BTRC: variants seen among roughly 807,000 people sequenced by gnomAD.
BTRC encodes F-box/WD repeat-containing protein 1A.
In BTRC, 42 loss-of-function variants were observed where a neutral mutation model predicts 85.5. The ratio of observed to expected loss-of-function variants is 0.49; its 90% CI spans 0.38 to 0.64. BTRC has a LOEUF of 0.64. BTRC is among the 30% of genes least tolerant of loss of function. The probability of loss-of-function intolerance (pLI) is 0.00; values close to 1 mark genes in which losing one functional copy is unlikely to be tolerated. For synonymous variants in BTRC, 255 were observed against 263.3 expected (o/e 0.97, Z 0.30); for missense variants, 594 against 743.5 (o/e 0.80, Z 2.34).
At chr10:101,544,063 C>T (rs1220157698) in intron 13 of BTRC, among the ~76,000 whole-genome samples, 1 of 152,128 alleles carries the variant, frequency 6.6e-6, no homozygotes, top group Non-Finnish European at 1.5e-5. Flanking sequence ...GCGCCCGCCA[C>T]CACACCCAGC....
chr10:101,417,355 A>G (rs1943974201), intron 1 of BTRC, among the ~76,000 whole-genome samples: 1 of 152,250 alleles, frequency 6.6e-6, no homozygotes, highest in South Asian at 2.1e-4. Context: ...TGAGGATTAC[A>G]CGCCAGTATC....
intron 1 of BTRC, among the ~76,000 whole-genome samples, chr10:101,390,977 GTTCT>G (rs576705076): frequency 5.5e-4 from 84 of 152,150 alleles, no homozygotes; most frequent in African/African-American, 1.9e-3. Context: ...AATACAAATG[GTTCT>G]TTATCAAATT....
At chr10:101,406,107 A>G (rs1459056374) in intron 1 of BTRC, among the ~76,000 whole-genome samples, 1 of 151,258 alleles carries the variant, frequency 6.6e-6, no homozygotes, top group African/African-American at 2.4e-5. Context: ...AGTGGTACAT[A>G]TACTTTTAGG....
rs183909241 is a variant in BTRC, at chr10:101,484,934, C to A, written c.324+5477C>A. On this transcript the variant is annotated intron_variant, in intron 4 of 14. Transcript: ENST00000370187. Reference sequence around the variant, plus strand: ...TTTGCATTAATAAGAGAAGCCAGGACCCCTCTTATAGACAAGAGTTTGTGT... The same window carrying A: ...TTTGCATTAATAAGAGAAGCCAGGAACCCTCTTATAGACAAGAGTTTGTGT... Among the ~76,000 whole-genome samples the A allele has an allele frequency of 2.5e-3, 382 of 152,274 alleles. 3 individuals carry two copies. The highest frequency in any genetic ancestry group is 8.5e-3 in the African/African-American group (355 of 41,558).
chr10:101,541,986 A>G lies in BTRC; in HGVS notation c.1656+3615A>G, dbSNP rs181143842. 3.9e-5 allele frequency among the ~76,000 whole-genome samples: 6 copies of G among 152,294 alleles called. 1 individual carries two copies. The highest frequency in any genetic ancestry group is 4.1e-4 in the South Asian group (2 of 4,828). On this transcript the variant is annotated intron_variant, in intron 13 of 14. Transcript: ENST00000370187. Reference sequence around the variant, plus strand: ...CCTCATCTATTTTCTAAGAGTTTGCATATGTGATATTATGCTTCTTTAAAT... The same window carrying G: ...CCTCATCTATTTTCTAAGAGTTTGCGTATGTGATATTATGCTTCTTTAAAT...
At chr10:101,518,530 C>A (rs2134356738) in intron 4 of BTRC, among the ~76,000 whole-genome samples, 1 of 152,282 alleles carries the variant, frequency 6.6e-6, no homozygotes, top group African/African-American at 2.4e-5. Context: ...ATAATCTCCG[C>A]CTTTTGATGG....
At chr10:101,448,688 C>T (rs1013503473) in intron 2 of BTRC, among the ~76,000 whole-genome samples, 2 of 151,918 alleles carry the variant, frequency 1.3e-5, no homozygotes, top group Admixed American at 1.3e-4. Flanking sequence ...TGGAGATGAA[C>T]AGAAAATGGA....
chr10:101,364,881 G>A (rs1202953551), intron 1 of BTRC: 1 of 149,108 alleles, frequency 6.7e-6, no homozygotes, highest in Non-Finnish European at 1.5e-5. Flanking sequence ...TGCAATACCA[G>A]GTCGATGCAT....
intron 3 of BTRC, among the ~76,000 whole-genome samples, chr10:101,473,564 G>A (rs1270948802): frequency 2.9e-5 from 4 of 138,958 alleles, no homozygotes; most frequent in South Asian, 4.7e-4. Context: ...TCCGTCTCCC[G>A]GGTTCAAGCG....
At chr10:101,496,989 C>T (rs1379318711) in intron 4 of BTRC, among the ~76,000 whole-genome samples, 1 of 152,120 alleles carries the variant, frequency 6.6e-6, no homozygotes. Context: ...TTTTTACATT[C>T]TACTTAAGAA....
chr10:101,367,583 C>T (rs966976543), intron 1 of BTRC, among the ~76,000 whole-genome samples: 16 of 152,070 alleles, frequency 1.1e-4, no homozygotes, highest in Admixed American at 5.9e-4. Flanking sequence ...CCACAAGTTG[C>T]CTTCATGCTC....
At chr10:101,464,911 C>G (rs991566003) in intron 3 of BTRC, among the ~76,000 whole-genome samples, 2 of 152,082 alleles carry the variant, frequency 1.3e-5, no homozygotes, top group African/African-American at 4.8e-5. Flanking sequence ...CCCTCTCTAT[C>G]TTAGGGAAGA....
intron 3 of BTRC, among the ~76,000 whole-genome samples, chr10:101,478,751 C>T (rs1490338606): frequency 2.0e-5 from 3 of 148,904 alleles, no homozygotes; most frequent in Non-Finnish European, 3.0e-5. Context: ...ACTGTACTTC[C>T]AGCTGGGGTG....
intron 13 of BTRC, among the ~76,000 whole-genome samples, chr10:101,547,162 A>T (rs1440322359): frequency 6.6e-6 from 1 of 152,174 alleles, no homozygotes; most frequent in Non-Finnish European, 1.5e-5. Context: ...CAGGTTCATC[A>T]GGATGTAACC....
intron 1 of BTRC, among the ~76,000 whole-genome samples, chr10:101,380,922 G>A (rs1162700837): frequency 2.0e-5 from 3 of 152,164 alleles, no homozygotes; most frequent in Non-Finnish European, 2.9e-5. Flanking sequence ...CCTGTTGCTT[G>A]TGCAGTTTGT....
In BTRC at chr10:101,431,070, C is replaced by CTTTTTTT. The variant is rs748703752; in HGVS notation, c.156+636_156+642dup. Among the ~76,000 whole-genome samples, 51 of 71,292 alleles carry CTTTTTTT rather than the reference C, an allele frequency of 7.2e-4. 1 individual carries two copies. Among genetic ancestry groups the CTTTTTTT allele is most frequent in the African/African-American group, 1.4e-3 (24 of 17,474 alleles). 46.8% of individuals were successfully genotyped at this position (71,292 alleles called of 152,430 possible). ...CAGATTCCAGTTCCCCTCAGCCTTT[C>CTTTTTTT]TTTTTTTTTTTTTTTTTTTTTTTTG... On this transcript the variant is annotated intron_variant, in intron 2 of 14. Coordinates refer to ENST00000370187, the MANE Select transcript of BTRC (RefSeq NM_033637.4).
intron 4 of BTRC, among the ~76,000 whole-genome samples, chr10:101,495,709 A>C (rs1946242173): frequency 6.6e-6 from 1 of 152,230 alleles, no homozygotes; most frequent in Non-Finnish European, 1.5e-5. Flanking sequence ...ATCTATAGCC[A>C]AACAGAACTG....
At chr10:101,396,276 T>C (rs75016330) in intron 1 of BTRC, among the ~76,000 whole-genome samples, 1,580 of 151,656 alleles carry the variant, frequency 0.01, 22 homozygotes, top group Non-Finnish European at 0.017. Context: ...ATTAGAATAA[T>C]GCTTTTCTTT....
At chr10:101,414,497 T>C (rs1001145771) in intron 1 of BTRC, among the ~76,000 whole-genome samples, 1 of 152,236 alleles carries the variant, frequency 6.6e-6, no homozygotes, top group Non-Finnish European at 1.5e-5. Context: ...GTACTTACTG[T>C]ACAGTATTTT....
Sources: gnomAD v4.1 joint callset for allele counts (sites outside exome capture counted in the v4.1 genomes callset) on GRCh38, gnomAD v4.1.1 for gene constraint, MANE v1.5 for transcripts, NCBI Gene and HGNC (gene_info 2026-07-23, HGNC 2026-07-21) for gene names.